Variants in RMST observed in about 807,000 individuals in gnomAD.
RMST encodes the protein long intergenic non-protein coding RNA 54.
chr12:97,519,390 T>A (rs1371013590), intron 10 of RMST, among the ~76,000 whole-genome samples: 1 of 152,234 alleles, frequency 6.6e-6, no homozygotes, highest in African/African-American at 2.4e-5. Flanking sequence ...TTGCTATCTC[T>A]TCAAATTGGA....
chr12:97,465,381 T>C (rs1410308179), intron 4 of RMST, among the ~76,000 whole-genome samples: 2 of 152,154 alleles, frequency 1.3e-5, no homozygotes, highest in Non-Finnish European at 2.9e-5. Context: ...TTCCTTGTCT[T>C]GTAGAACCTT....
chr12:97,468,966 T>C (rs1253228406), intron 5 of RMST, among the ~76,000 whole-genome samples: 2 of 151,948 alleles, frequency 1.3e-5, no homozygotes, highest in African/African-American at 4.8e-5. Flanking sequence ...TTTTGTAGAT[T>C]ATGGGAATCT....
intron 10 of RMST, among the ~76,000 whole-genome samples, chr12:97,524,606 CCTCCTGAGT>C (rs1321868527): frequency 2.0e-5 from 3 of 152,126 alleles, no homozygotes; most frequent in African/African-American, 7.2e-5. Context: ...CTATCATCTA[CCTCCTGAGT>C]TTTATGCTCT....
chr12:97,523,960 C>G (rs1419738957), intron 10 of RMST, among the ~76,000 whole-genome samples: 1 of 150,842 alleles, frequency 6.6e-6, no homozygotes, highest in African/African-American at 2.4e-5. Flanking sequence ...CCTGTAGTCC[C>G]AGCTACTTGG....
chr12:97,479,225 A>G (rs1355886938), intron 5 of RMST, among the ~76,000 whole-genome samples: 1 of 139,858 alleles, frequency 7.2e-6, no homozygotes, highest in Non-Finnish European at 1.5e-5. Context: ...CTGCAGCCTC[A>G]AACTCCTGGG....
Position 97,497,679 on chromosome 12 carries a change from A to ATTTT in RMST, n.1340+1633_1340+1636dup, listed in dbSNP as rs113722074. 4.8e-3 allele frequency among the ~76,000 whole-genome samples: 681 copies of ATTTT among 143,118 alleles called. 4 individuals are homozygous for ATTTT. The highest frequency in any genetic ancestry group is 0.017 in the African/African-American group (659 of 39,548). 93.9% of individuals were successfully genotyped at this position (143,118 alleles called of 152,430 possible). On this transcript the variant is annotated intron_variant and non_coding_transcript_variant, in intron 10 of 13. Coordinates refer to ENST00000640149, the Ensembl canonical transcript of RMST. Reference sequence around the variant, plus strand: ...TTTAGAGAGGTAGGGCACAAGGATGATTTTTTTTTTTTTGCCTTTCTTTTT... The same window carrying ATTTT: ...TTTAGAGAGGTAGGGCACAAGGATGATTTTTTTTTTTTTTTTTGCCTTTCTTTTT...
chr12:97,494,386 G>T (rs1482636401), intron 8 of RMST, among the ~76,000 whole-genome samples: 1 of 152,016 alleles, frequency 6.6e-6, no homozygotes, highest in African/African-American at 2.4e-5. Context: ...GATCAAAAAT[G>T]GATTATAAGA....
chr12:97,489,590 AAT>A (rs1362936738), intron 5 of RMST, among the ~76,000 whole-genome samples: 3 of 152,322 alleles, frequency 2.0e-5, no homozygotes, highest in African/African-American at 4.8e-5. Flanking sequence ...TACTTGTGAA[AAT>A]ATGTCTCAGT....
chr12:97,485,866 C>T (rs1876038207), intron 5 of RMST, among the ~76,000 whole-genome samples: 1 of 152,184 alleles, frequency 6.6e-6, no homozygotes, highest in South Asian at 2.1e-4. Context: ...CATGTAGGCC[C>T]ACCTGGCAGT....
chr12:97,517,184 G>A (rs868700222), intron 10 of RMST, among the ~76,000 whole-genome samples: 1 of 151,886 alleles, frequency 6.6e-6, no homozygotes, highest in Non-Finnish European at 1.5e-5. Context: ...TCACTTTTCT[G>A]AATGGTTTTT....
At chr12:97,525,151 G>A (rs1230648681) in intron 10 of RMST, among the ~76,000 whole-genome samples, 1 of 152,212 alleles carries the variant, frequency 6.6e-6, no homozygotes, top group African/African-American at 2.4e-5. Flanking sequence ...TTTGTCTCTT[G>A]TGTGCTAAAT....
intron 10 of RMST, among the ~76,000 whole-genome samples, chr12:97,500,036 T>G (rs1433368349): frequency 6.6e-6 from 1 of 152,130 alleles, no homozygotes; most frequent in Non-Finnish European, 1.5e-5. Context: ...ACACATCATG[T>G]TTAATAATTT....
intron 5 of RMST, among the ~76,000 whole-genome samples, chr12:97,472,443 C>G (rs1375626357): frequency 6.6e-6 from 1 of 151,992 alleles, no homozygotes; most frequent in Non-Finnish European, 1.5e-5. Flanking sequence ...TTATTTTAAG[C>G]CTGATGTTTT....
chr12:97,535,043 T>C (rs1881963401), intron 11 of RMST, among the ~76,000 whole-genome samples: 1 of 151,666 alleles, frequency 6.6e-6, no homozygotes, highest in Non-Finnish European at 1.5e-5. Context: ...AAATTATTCA[T>C]AGTAAAAAAG....
intron 5 of RMST, among the ~76,000 whole-genome samples, chr12:97,473,355 G>C (rs968013141): frequency 6.6e-6 from 1 of 152,062 alleles, no homozygotes; most frequent in Non-Finnish European, 1.5e-5. Flanking sequence ...TTTATTGAAG[G>C]TTTATAGTAA....
chr12:97,474,854 T>C lies in RMST; in HGVS notation n.644+9127T>C, dbSNP rs1164352181. Among the ~76,000 whole-genome samples the C allele has an allele frequency of 2.2e-4, 33 of 152,096 alleles. 1 individual carries two copies. The highest frequency in any genetic ancestry group is 2.2e-3 in the Admixed American group (33 of 15,254). On this transcript the variant is annotated intron_variant and non_coding_transcript_variant, in intron 5 of 13. Transcript: ENST00000640149. The stretch of plus-strand genomic sequence containing the variant: ...TTTAGTGTCATGTCTCTAAAGTAAA[T>C]ATGTTTGAGAGTAGGCATACTCACT...
At chr12:97,511,314 GA>G (rs1879266556) in intron 10 of RMST, among the ~76,000 whole-genome samples, 1 of 151,972 alleles carries the variant, frequency 6.6e-6, no homozygotes, top group Non-Finnish European at 1.5e-5. Context: ...ACATGCTGCT[GA>G]TTTTTGTATT....
chr12:97,513,173 G>C (rs948694369), intron 10 of RMST, among the ~76,000 whole-genome samples: 1 of 152,226 alleles, frequency 6.6e-6, no homozygotes, highest in African/African-American at 2.4e-5. Flanking sequence ...GGCCAGCCCA[G>C]AAAGGGGCTC....
intron 5 of RMST, among the ~76,000 whole-genome samples, chr12:97,481,627 G>C (rs975847448): frequency 4.6e-4 from 70 of 152,052 alleles, no homozygotes; most frequent in African/African-American, 1.5e-3. Flanking sequence ...TTTATTTTTT[G>C]TTAATGAAAT....
Sources: allele counts gnomAD v4.1 joint callset (sites outside exome capture counted in the v4.1 genomes callset), GRCh38; gene constraint gnomAD v4.1.1; transcripts MANE v1.5; gene names NCBI Gene and HGNC (gene_info 2026-07-23, HGNC 2026-07-21).